Variants in GARRE1 observed in about 807,000 individuals in gnomAD.
The protein encoded by GARRE1 is granule associated Rac and RHOG effector 1.
In GARRE1, 49 loss-of-function variants were observed where a neutral mutation model predicts 103.2. The observed-to-expected ratio is 0.47, with a 90% CI of 0.38 to 0.60. GARRE1 has a LOEUF of 0.60. Ranked by LOEUF, GARRE1 falls within the 20% of genes least tolerant of loss-of-function variation. The pLI is 0.00. For synonymous variants in GARRE1, 505 were observed against 532.8 expected, an observed-to-expected ratio of 0.95 and a Z score of 0.72; for missense variants, 1,199 against 1,370.5, an observed-to-expected ratio of 0.87 and a Z score of 1.98.
At chr19:34,279,013 A>G (rs1023486165) in intron 1 of GARRE1, among the ~76,000 whole-genome samples, 8 of 152,130 alleles carry the variant, frequency 5.3e-5, no homozygotes, top group African/African-American at 1.7e-4. Context: ...GTATGGATAT[A>G]CCACATTTGT....
At chr19:34,308,610 C>T (rs2074022748) in intron 2 of GARRE1, among the ~76,000 whole-genome samples, 1 of 152,144 alleles carries the variant, frequency 6.6e-6, no homozygotes, top group African/African-American at 2.4e-5. Flanking sequence ...ATCTGTCTAG[C>T]CCATTCTACG....
chr19:34,323,997 C>T (rs1489554275), intron 3 of GARRE1, among the ~76,000 whole-genome samples: 1 of 152,186 alleles, frequency 6.6e-6, no homozygotes, highest in East Asian at 1.9e-4. Flanking sequence ...TCCTGCCATC[C>T]CTCTTCACAA....
In GARRE1 at chr19:34,352,890, C is replaced by A; in HGVS notation, c.3148C>A (p.Pro1050Thr). 1 of 1,584,830 alleles carries A rather than the reference C, an allele frequency of 6.3e-7. No individual in the cohort carries two copies. The highest frequency in any genetic ancestry group is 8.6e-7 in the Non-Finnish European group (1 of 1,165,058). The change falls in exon 14 of 14, where the codon CCC (proline) becomes ACC (threonine). Residue 1050 changes from proline (P) to threonine (T), a missense_variant. By Grantham distance (38) the Pro-to-Thr change is conservative. Coordinates refer to ENST00000299505, the MANE Select transcript of GARRE1 (RefSeq NM_014686.5). ...PPPPPAHKAA[P>T]KGFKAFPGKG... is the part of the protein sequence containing the mutation. Reference sequence around the variant, plus strand: ...ACCCCCACCAGCACACAAGGCAGCACCCAAGGGCTTCAAGGCCTTCCCTGG... The same window carrying A: ...ACCCCCACCAGCACACAAGGCAGCAACCAAGGGCTTCAAGGCCTTCCCTGG...
chr19:34,339,670 C>T (rs1051468755), intron 8 of GARRE1, among the ~76,000 whole-genome samples, 197 bp from the exon 9 acceptor site: 1 of 152,174 alleles, frequency 6.6e-6, no homozygotes, highest in African/African-American at 2.4e-5. Context: ...AGACCTCAGA[C>T]CTTTTTGCTT....
At chr19:34,329,758 C>T (rs328401) in intron 6 of GARRE1, among the ~76,000 whole-genome samples, 1,852 of 152,050 alleles carry the variant, frequency 0.012, 36 homozygotes, top group African/African-American at 0.043. Context: ...ATTGCTTGAA[C>T]CCAGGAGGTG....
Position 34,292,469 on chromosome 19 carries a change from C to T in GARRE1, c.-795-7210C>T, listed in dbSNP as rs539665323. Among the ~76,000 whole-genome samples, 9 of 152,278 alleles carry T rather than the reference C, an allele frequency of 5.9e-5. No individual in the cohort carries two copies. The East Asian group carries it at 9.7e-4, about 16-fold the overall frequency. On this transcript the variant is annotated intron_variant, in intron 1 of 13. Coordinates refer to ENST00000299505, the MANE Select transcript of GARRE1 (RefSeq NM_014686.5). ...AGGTTTTTGTTTGGACATATTTCTT[C>T]GTTTCTCTTGGGTATATACATAGGA... is the stretch of plus-strand genomic sequence containing the variant.
intron 8 of GARRE1, among the ~76,000 whole-genome samples, chr19:34,336,885 G>A (rs186889298): frequency 6.6e-5 from 10 of 152,310 alleles, no homozygotes; most frequent in African/African-American, 2.4e-4. Flanking sequence ...TAAACAGTCA[G>A]TGCAAAAATG....
At chr19:34,310,283 T>C (rs188280867) in intron 2 of GARRE1, among the ~76,000 whole-genome samples, 32 of 152,218 alleles carry the variant, frequency 2.1e-4, no homozygotes, top group Non-Finnish European at 3.2e-4. Context: ...CCCTCCTCTT[T>C]ACAAACCAGG....
rs574490533 is a variant in GARRE1 at position 34,260,829 on chromosome 19, G to A, written c.-796+6215G>A. On this transcript the variant is annotated intron_variant, in intron 1 of 13. Transcript: ENST00000299505. Reference sequence around the variant, plus strand: ...ACTGACCCAGCTATAACCCCAGGAAGGCATGCATGGAATGTGTTTGTAGCT... The same window carrying A: ...ACTGACCCAGCTATAACCCCAGGAAAGCATGCATGGAATGTGTTTGTAGCT... Among the ~76,000 whole-genome samples the A allele has an allele frequency of 4.6e-5, 7 of 152,326 alleles. No individual in the cohort carries two copies. In the South Asian group the frequency reaches 1.5e-3, roughly 32 times the overall value.
chr19:34,288,908 G>GT (rs2073902038), intron 1 of GARRE1, among the ~76,000 whole-genome samples: 1 of 151,048 alleles, frequency 6.6e-6, no homozygotes, highest in Non-Finnish European at 1.5e-5. Context: ...GAGGCAGTCG[G>GT]ATCAGTTGAG....
intron 10 of GARRE1, among the ~76,000 whole-genome samples, chr19:34,346,678 G>A (rs147601619): frequency 4.6e-5 from 7 of 152,230 alleles, no homozygotes; most frequent in Non-Finnish European, 7.4e-5. Flanking sequence ...GTGCAATAGC[G>A]CGATCTTGGC....
At position 34,341,966 on chromosome 19, in the gene GARRE1, A is replaced by G; in HGVS notation, c.2032A>G (p.Met678Val). The G allele has an allele frequency of 6.2e-7, 1 of 1,614,202 alleles. No homozygotes were observed. The highest frequency in any genetic ancestry group is 8.5e-7 in the Non-Finnish European group (1 of 1,180,032). Residue 678 changes from methionine (M) to valine (V), a missense_variant, in exon 10 of 14, where the codon ATG becomes GTG. Transcript: ENST00000299505. ...VTRHNSAATA[M>V]VTEQKAGAMQ... ...AAGGCATAATTCTGCTGCCACAGCC[A>G]TGGTGACTGAGCAGAAGGCAGGAGC...
intron 8 of GARRE1, among the ~76,000 whole-genome samples, chr19:34,337,487 C>T (rs117836718): frequency 0.015 from 2,210 of 152,194 alleles, 23 homozygotes; most frequent in South Asian, 0.023. Context: ...TGCAGAGAGC[C>T]GATGGGGAAC....
intron 1 of GARRE1, among the ~76,000 whole-genome samples, chr19:34,263,265 G>GAGATGGATAGAT (rs1555778753): frequency 6.7e-6 from 1 of 149,494 alleles, no homozygotes; most frequent in Non-Finnish European, 1.5e-5. Context: ...TCTCGATAGA[G>GAGATGGATAGAT]AGATAGATAG....
chr19:34,271,336 T>C (rs1330934200), intron 1 of GARRE1, among the ~76,000 whole-genome samples: 1 of 150,596 alleles, frequency 6.6e-6, no homozygotes, highest in African/African-American at 2.4e-5. Flanking sequence ...GCAACCTCTG[T>C]CTCCCGGGTT....
intron 11 of GARRE1, chr19:34,348,306 A>C (rs1190995036): frequency 3.2e-6 from 1 of 316,064 alleles, no homozygotes; most frequent in Middle Eastern, 8.5e-4. Flanking sequence ...TCAGCCCTAG[A>C]CAAGGCTCTT....
intron 8 of GARRE1, among the ~76,000 whole-genome samples, chr19:34,336,050 G>A (rs1354667709): frequency 1.3e-5 from 2 of 151,994 alleles, no homozygotes; most frequent in African/African-American, 4.8e-5. Context: ...CAGTGCAGTG[G>A]TGTGGTCATG....
chr19:34,314,481 GGTGA>G (rs759770057), intron 2 of GARRE1, among the ~76,000 whole-genome samples: 13 of 152,162 alleles, frequency 8.5e-5, no homozygotes, highest in Non-Finnish European at 1.5e-4. Context: ...ATTTATTGAT[GGTGA>G]GTATTACTGA....
At chr19:34,333,504 T>C (rs1016804619) in intron 7 of GARRE1, among the ~76,000 whole-genome samples, 200 bp from the exon 8 acceptor site, 2 of 152,236 alleles carry the variant, frequency 1.3e-5, no homozygotes, top group African/African-American at 2.4e-5. Flanking sequence ...ATGTGGTTTC[T>C]GTTTATTGAA....
Sources: allele counts gnomAD v4.1 joint callset (sites outside exome capture counted in the v4.1 genomes callset), GRCh38; gene constraint gnomAD v4.1.1; transcripts MANE v1.5; gene names NCBI Gene and HGNC (gene_info 2026-07-23, HGNC 2026-07-21).